PKIA: variants seen among roughly 807,000 people sequenced by gnomAD.
The protein encoded by PKIA is PKI-alpha.
In PKIA, 4 loss-of-function variants were observed where a neutral mutation model predicts 7.6. The observed-to-expected ratio is 0.52, with a 90% CI of 0.26 to 1.20. PKIA has a LOEUF of 1.20. Among genes scored for constraint, PKIA ranks in the 50% most tolerant of loss-of-function variants. The pLI is 0.13. For missense variants in PKIA, 73 were observed against 86.2 expected, an observed-to-expected ratio of 0.85 and a Z score of 0.61; for synonymous variants, 21 against 30.7, an observed-to-expected ratio of 0.68 and a Z score of 1.04.
chr8:78,602,175 G>A lies in PKIA; in HGVS notation c.*354G>A. The A allele has an allele frequency of 4.7e-6, 1 of 213,466 alleles. No homozygotes were observed. The highest frequency in any genetic ancestry group is 9.2e-6 in the Non-Finnish European group (1 of 108,268). 13.2% of individuals were successfully genotyped at this position (213,466 alleles called of 1,614,324 possible). On this transcript the variant is annotated 3_prime_UTR_variant, in exon 4 of 4. Transcript: ENST00000396418. Reference sequence around the variant, plus strand: ...TCACAATGTCAGAGGATTTAATTGTGTCTAATTGCGAAGGGTTGATTGAAC... The same window carrying A: ...TCACAATGTCAGAGGATTTAATTGTATCTAATTGCGAAGGGTTGATTGAAC...
Position 78,530,618 on chromosome 8 carries a change from T to C in PKIA, c.-157+14150T>C, listed in dbSNP as rs559361013. On this transcript the variant is annotated intron_variant, in intron 1 of 3. Coordinates refer to ENST00000396418, the MANE Select transcript of PKIA (RefSeq NM_006823.4). ...AGTTGCATTGCTTAAAAAATAAACA[T>C]TGACATTGCTGATCATTTACCTGTG... 3.9e-5 allele frequency among the ~76,000 whole-genome samples: 6 copies of C among 152,216 alleles called. No homozygotes were observed. The East Asian group carries it at 9.7e-4, about 25-fold the overall frequency.
chr8:78,596,972 G>A (rs1011565320), intron 2 of PKIA, among the ~76,000 whole-genome samples: 7 of 152,122 alleles, frequency 4.6e-5, no homozygotes, highest in Non-Finnish European at 1.0e-4. Flanking sequence ...TGTCAATTTT[G>A]TTGAAGATCA....
At chr8:78,539,070 G>A (rs1011068560) in intron 1 of PKIA, among the ~76,000 whole-genome samples, 3 of 152,078 alleles carry the variant, frequency 2.0e-5, no homozygotes, top group African/African-American at 7.2e-5. Flanking sequence ...ATATTGGCAG[G>A]CCTGGAAATC....
rs1809486440 is a variant in PKIA, at chr8:78,524,078, AT to A, written c.-157+7611del. Among the ~76,000 whole-genome samples, 3 of 122,638 alleles carry A rather than the reference AT, an allele frequency of 2.4e-5. 1 individual carries two copies. Among genetic ancestry groups the A allele is most frequent in the Non-Finnish European group, 4.9e-5 (3 of 60,942 alleles). The allele number at this position is 122,638 out of a possible 152,430, so 80.5% of individuals were successfully genotyped here. A position where few individuals can be genotyped will look rare whatever the true frequency, so the allele number is the denominator to read the frequency against. ...TATAAACATTTATATTTATATATAA[AT>A]ATAAATAAACATTTATATTTATATA... On this transcript the variant is annotated intron_variant, in intron 1 of 3. Transcript: ENST00000396418.
intron 2 of PKIA, among the ~76,000 whole-genome samples, chr8:78,593,337 G>A (rs1463952103): frequency 3.3e-5 from 5 of 152,134 alleles, no homozygotes; most frequent in African/African-American, 4.8e-5. Flanking sequence ...TGGTCAGGGT[G>A]GTTTCGAACT....
chr8:78,557,692 AGGGAC>A, intron 1 of PKIA, among the ~76,000 whole-genome samples: 1 of 152,194 alleles, frequency 6.6e-6, no homozygotes, highest in East Asian at 1.9e-4. Context: ...TTTATAGAAA[AGGGAC>A]TGAGGCTGTT....
At chr8:78,565,768 G>T (rs912158103) in intron 1 of PKIA, among the ~76,000 whole-genome samples, 1 of 151,826 alleles carries the variant, frequency 6.6e-6, no homozygotes, top group Middle Eastern at 3.4e-3. Flanking sequence ...AGGCACTCAC[G>T]GCATTGTTAG....
At chr8:78,600,207 A>G (rs1164843921) in intron 3 of PKIA, among the ~76,000 whole-genome samples, 1 of 152,026 alleles carries the variant, frequency 6.6e-6, no homozygotes, top group Non-Finnish European at 1.5e-5. Flanking sequence ...CAAAAAACTA[A>G]TAACTGTATA....
At chr8:78,591,891 T>C (rs73243291) in intron 2 of PKIA, among the ~76,000 whole-genome samples, 12,856 of 152,198 alleles carry the variant, frequency 0.084, 592 homozygotes, top group African/African-American at 0.11. Context: ...AGTCAGAATA[T>C]GTGCTAGTTG....
chr8:78,521,357 C>T (rs1809413401), intron 1 of PKIA, among the ~76,000 whole-genome samples: 3 of 152,048 alleles, frequency 2.0e-5, no homozygotes. Flanking sequence ...GGTTCTAAAA[C>T]AAGTGCCATC....
chr8:78,586,195 G>C (rs1286060660), intron 2 of PKIA, among the ~76,000 whole-genome samples: 1 of 151,908 alleles, frequency 6.6e-6, no homozygotes, highest in Non-Finnish European at 1.5e-5. Context: ...CCCATCCTGG[G>C]CAATTGCACT....
At chr8:78,524,614 T>A (rs184462372) in intron 1 of PKIA, among the ~76,000 whole-genome samples, 56 of 152,036 alleles carry the variant, frequency 3.7e-4, no homozygotes, top group African/African-American at 1.3e-3. Context: ...TGATAAAAGT[T>A]GGCTAAGATA....
intron 2 of PKIA, among the ~76,000 whole-genome samples, chr8:78,585,210 G>T (rs1478567487): frequency 1.3e-5 from 2 of 151,670 alleles, no homozygotes; most frequent in Non-Finnish European, 2.9e-5. Context: ...TCTATTGATT[G>T]ATATATCCAT....
rs908342974 is a variant in PKIA, at chr8:78,604,077, C to T, written c.*2256C>T. Reference sequence around the variant, plus strand: ...TCCTATACATTTTGCTTATTCATGGCATCTTTCAAATTTTATTTTAGTTTC... The same window carrying T: ...TCCTATACATTTTGCTTATTCATGGTATCTTTCAAATTTTATTTTAGTTTC... On this transcript the variant is annotated 3_prime_UTR_variant, in exon 4 of 4. Coordinates refer to ENST00000396418, the MANE Select transcript of PKIA (RefSeq NM_006823.4). 1 of 151,950 alleles carries T rather than the reference C, an allele frequency of 6.6e-6. No individual in the cohort carries two copies. The highest frequency in any genetic ancestry group is 2.4e-5 in the African/African-American group (1 of 41,386). 9.4% of individuals were successfully genotyped at this position (151,950 alleles called of 1,614,324 possible).
At chr8:78,589,794 T>C (rs1808050421) in intron 2 of PKIA, among the ~76,000 whole-genome samples, 1 of 143,480 alleles carries the variant, frequency 7.0e-6, no homozygotes, top group Admixed American at 6.8e-5. Context: ...TGAGTACACA[T>C]GTTTTTAATA....
intron 1 of PKIA, among the ~76,000 whole-genome samples, chr8:78,562,002 A>G (rs1807297142): frequency 6.6e-6 from 1 of 152,192 alleles, no homozygotes; most frequent in African/African-American, 2.4e-5. Flanking sequence ...CCAACAGCAG[A>G]GTAATCACCC....
intron 1 of PKIA, among the ~76,000 whole-genome samples, chr8:78,542,771 C>T (rs965958821): frequency 6.6e-6 from 1 of 152,078 alleles, no homozygotes; most frequent in African/African-American, 2.4e-5. Flanking sequence ...CCTACCTGTA[C>T]TCTCTTTTGT....
intron 1 of PKIA, among the ~76,000 whole-genome samples, chr8:78,529,744 AT>A (rs1188063130): frequency 6.6e-6 from 1 of 151,764 alleles, no homozygotes; most frequent in Non-Finnish European, 1.5e-5. Context: ...ATAACATATA[AT>A]TTTTTTTGTA....
chr8:78,558,254 G>A (rs1163562791), intron 1 of PKIA, among the ~76,000 whole-genome samples: 6 of 152,146 alleles, frequency 3.9e-5, no homozygotes, highest in African/African-American at 1.4e-4. Context: ...AGAGGTCCAA[G>A]TAAGTGGCAG....
Sources: gnomAD v4.1 joint callset for allele counts (sites outside exome capture counted in the v4.1 genomes callset) on GRCh38, gnomAD v4.1.1 for gene constraint, MANE v1.5 for transcripts, NCBI Gene and HGNC (gene_info 2026-07-23, HGNC 2026-07-21) for gene names.